The following TUT4 variants were observed in gnomAD, a reference collection of about 807,000 sequenced individuals.
TUT4 encodes the protein terminal uridylyltransferase 4.
TUT4 carries 36 observed loss-of-function variants against 192.2 expected under a neutral mutation model. That is an observed-to-expected ratio of 0.19 (90% confidence interval 0.14 to 0.25). TUT4 has a LOEUF of 0.25. Ranked by LOEUF, TUT4 falls within the 10% of genes least tolerant of loss-of-function variation. The pLI is 1.00. For synonymous variants in TUT4, 618 were observed against 666.0 expected, an observed-to-expected ratio of 0.93 and a Z score of 1.11; for missense variants, 1,493 against 1,957.2, an observed-to-expected ratio of 0.76 and a Z score of 4.47.
Position 52,435,427 on chromosome 1 carries a change from C to T in TUT4, c.4201G>A (p.Val1401Met). Residue 1401 changes from valine (V) to methionine (M), a missense_variant, in exon 27 of 30, where the codon GTG (valine) becomes ATG (methionine). Transcript: ENST00000257177. ...CCCTGTTGCTGAGCTGAACCAGCCA[C>T]CTGTTGAGCATTTACAAGGTTGCGG... ...LVRNLVNAQQ[V>M]AGSAQQQGDQ... 2 of 1,614,150 alleles carry T rather than the reference C, an allele frequency of 1.2e-6. No individual in the cohort carries two copies. Among genetic ancestry groups the T allele is most frequent in the Middle Eastern group, 1.6e-4 (1 of 6,062 alleles).
chr1:52,550,496 CTTT>C (rs752817651), intron 1 of TUT4, among the ~76,000 whole-genome samples: 11 of 122,028 alleles, frequency 9.0e-5, no homozygotes, highest in Admixed American at 6.8e-4. Context: ...GTAAGTATTG[CTTT>C]TTTTTTTTTT....
chr1:52,452,304 T>C (rs958278246), intron 20 of TUT4, among the ~76,000 whole-genome samples: 7 of 152,190 alleles, frequency 4.6e-5, no homozygotes, highest in African/African-American at 1.7e-4. Flanking sequence ...TGTGATGTTA[T>C]AATTGGCCTC....
At chr1:52,482,868 T>C (rs938490161) in intron 9 of TUT4, among the ~76,000 whole-genome samples, 2 of 152,220 alleles carry the variant, frequency 1.3e-5, no homozygotes, top group Non-Finnish European at 2.9e-5. Context: ...TTCATCCTTA[T>C]ACATGTTTCC....
intron 3 of TUT4, among the ~76,000 whole-genome samples, chr1:52,512,486 C>T (rs1404412648): frequency 6.6e-6 from 1 of 152,186 alleles, no homozygotes; most frequent in Non-Finnish European, 1.5e-5. Context: ...CCCAATGACT[C>T]CAAAATCCAC....
intron 1 of TUT4, among the ~76,000 whole-genome samples, chr1:52,540,218 CA>C (rs1329351412): frequency 2.0e-3 from 204 of 100,336 alleles, no homozygotes; most frequent in Middle Eastern, 0.019. Context: ...GACTCTGTCT[CA>C]AAAAAAAAAA....
intron 1 of TUT4, among the ~76,000 whole-genome samples, chr1:52,537,758 C>G (rs1204208556): frequency 1.3e-5 from 2 of 151,804 alleles, no homozygotes; most frequent in African/African-American, 4.8e-5. Flanking sequence ...ACTAAAAATA[C>G]AAAAATTAGC....
At chr1:52,464,436 C>T (rs1482713999) in intron 16 of TUT4, among the ~76,000 whole-genome samples, 5 of 151,558 alleles carry the variant, frequency 3.3e-5, no homozygotes, top group Non-Finnish European at 5.9e-5. Flanking sequence ...TTTTATTTTT[C>T]GTAGAGACGG....
At chr1:52,523,659 T>C (rs909781194) in intron 2 of TUT4, among the ~76,000 whole-genome samples, 1 of 151,998 alleles carries the variant, frequency 6.6e-6, no homozygotes, top group African/African-American at 2.4e-5. Context: ...TCAAGTACCA[T>C]GATGTTTACA....
rs1418257002 is a variant in TUT4, at chr1:52,497,512, AGATT to A, written c.1000-333_1000-330del. Among the ~76,000 whole-genome samples the A allele has an allele frequency of 2.0e-5, 3 of 152,254 alleles. No individual in the cohort carries two copies. In the East Asian group the frequency reaches 5.8e-4, roughly 29 times the overall value. ...CTTGACGATTTTGTTGCACCAAGGC[AGATT>A]GTCTTAGATGTAGCAGAAAAGTCTT... On this transcript the variant is annotated intron_variant, in intron 4 of 29. Transcript: ENST00000257177.
At chr1:52,491,956 A>G (rs1209970247) in intron 7 of TUT4, among the ~76,000 whole-genome samples, 2 of 152,210 alleles carry the variant, frequency 1.3e-5, no homozygotes, top group African/African-American at 4.8e-5. Flanking sequence ...AAGAACATAA[A>G]GGAAGAAATA....
intron 13 of TUT4, among the ~76,000 whole-genome samples, chr1:52,474,425 ATAC>A (rs1666585431): frequency 6.6e-6 from 1 of 152,176 alleles, no homozygotes. Context: ...TTAAAGTAGA[ATAC>A]TATTAGAATT....
In TUT4 at chr1:52,468,294, G is replaced by GA. The variant is rs1054419764; in HGVS notation, c.2879-28dup. On this transcript the variant is annotated intron_variant, in intron 14 of 29. Transcript: ENST00000257177. Reference sequence around the variant, plus strand: ...TGGGTTTATAAAAAGAAGAAAAAAGGAAAAAGAAAAGTAAGGAAAACAGAA... The same window carrying GA: ...TGGGTTTATAAAAAGAAGAAAAAAGGAAAAAAGAAAAGTAAGGAAAACAGAA... 8 of 1,521,448 alleles carry GA rather than the reference G, an allele frequency of 5.3e-6. No individual in the cohort carries two copies. In the African/African-American group the frequency reaches 1.1e-4, roughly 21 times the overall value. The allele number at this position is 1,521,448 out of a possible 1,614,324, so 94.2% of individuals were successfully genotyped here. A position where few individuals can be genotyped will look rare whatever the true frequency, so the allele number is the denominator to read the frequency against.
intron 19 of TUT4, among the ~76,000 whole-genome samples, chr1:52,460,655 A>T (rs1662296324): frequency 6.6e-6 from 1 of 152,230 alleles, no homozygotes; most frequent in South Asian, 2.1e-4. Flanking sequence ...AATGAACTAG[A>T]GAAACAGAGG....
chr1:52,547,676 G>A (rs1448796427), intron 1 of TUT4, among the ~76,000 whole-genome samples: 1 of 152,120 alleles, frequency 6.6e-6, no homozygotes, highest in Non-Finnish European at 1.5e-5. Context: ...TCCATAGAAG[G>A]TAATACTATT....
At position 52,435,347 on chromosome 1, in the gene TUT4, C is replaced by A; in HGVS notation, c.4263+18G>T. 1 of 1,599,734 alleles carries A rather than the reference C, an allele frequency of 6.3e-7. No individual in the cohort carries two copies. Among genetic ancestry groups the A allele is most frequent in the South Asian group, 1.1e-5 (1 of 90,194 alleles). On this transcript the variant is annotated intron_variant, in intron 27 of 29. Transcript: ENST00000257177. ...TATCATCAGTCAAGACTAACACATT[C>A]ACAGGCAGAGTACTTACACATTCTG...
rs1175638486 is a variant in TUT4 at position 52,542,761 on chromosome 1, A to AT, written c.-94+10169dup. Among the ~76,000 whole-genome samples the AT allele has an allele frequency of 3.6e-3, 525 of 147,514 alleles. 2 individuals carry two copies. Among genetic ancestry groups the AT allele is most frequent in the African/African-American group, 8.5e-3 (336 of 39,550 alleles). On this transcript the variant is annotated intron_variant, in intron 1 of 29. Transcript: ENST00000257177. ...TTTCACCATTTCTTTTTATTTATTT[A>AT]TTTATTTATTTTTTTTTGAGGCAGA... is the stretch of plus-strand genomic sequence containing the variant.
At chr1:52,460,687 C>T (rs974094787) in intron 19 of TUT4, among the ~76,000 whole-genome samples, 45 of 152,110 alleles carry the variant, frequency 3.0e-4, no homozygotes, top group African/African-American at 9.4e-4. Flanking sequence ...ACCTAGTTTA[C>T]ACAATTAGCA....
At position 52,488,810 on chromosome 1, in the gene TUT4, T is replaced by C. The variant is rs1670450698; in HGVS notation, c.1515+99A>G. The stretch of plus-strand genomic sequence containing the variant: ...AACTACTTTCTCCCACATGTTATGA[T>C]TGATGTTACATGTCAGTACAAGAAA... On this transcript the variant is annotated intron_variant, in intron 9 of 29. Coordinates refer to ENST00000257177, the MANE Select transcript of TUT4 (RefSeq NM_001009881.3). The C allele has an allele frequency of 2.5e-6, 3 of 1,221,696 alleles. No homozygotes were observed. In the South Asian group the frequency reaches 6.3e-5, roughly 26 times the overall value. 75.7% of individuals were successfully genotyped at this position (1,221,696 alleles called of 1,614,324 possible).
chr1:52,502,504 C>T (rs1370616208), intron 4 of TUT4, among the ~76,000 whole-genome samples: 2 of 151,964 alleles, frequency 1.3e-5, no homozygotes, highest in Non-Finnish European at 2.9e-5. Flanking sequence ...ATCACCTGTG[C>T]TCTGAATTCC....
Sources: gnomAD v4.1 joint callset for allele counts (sites outside exome capture counted in the v4.1 genomes callset) on GRCh38, gnomAD v4.1.1 for gene constraint, MANE v1.5 for transcripts, NCBI Gene and HGNC (gene_info 2026-07-23, HGNC 2026-07-21) for gene names.